The following GNL3L variants were observed in gnomAD, a reference collection of about 807,000 sequenced individuals.
GNL3L encodes the protein guanine nucleotide-binding protein-like 3-like protein.
GNL3L carries 4 observed loss-of-function variants against 42.9 expected under a neutral mutation model. That is an observed-to-expected ratio of 0.09 (90% CI 0.05 to 0.21). The LOEUF is 0.21. Ranked by LOEUF, GNL3L falls within the 10% of genes least tolerant of loss-of-function variation. The pLI is 1.00. For synonymous variants in GNL3L, 159 were observed against 176.3 expected (o/e 0.90, Z 0.78); for missense variants, 412 against 481.7 (o/e 0.86, Z 1.36).
chrX:54,637,469 A>G, the GNL3L span, among the ~76,000 whole-genome samples: 2 of 111,715 alleles, frequency 1.8e-5, no homozygotes, highest in African/African-American at 6.5e-5. Context: ...GTGTGCACAC[A>G]TGTGCATGCA....
At chrX:54,589,436 G>A (rs1000727085) in intron 16 of GNL3L, among the ~76,000 whole-genome samples, 2 of 110,104 alleles carry the variant, frequency 1.8e-5, no homozygotes, top group Admixed American at 9.7e-5. Flanking sequence ...TCTCTATGTC[G>A]ATGAGTTCAA....
rs1001024507 is a variant in GNL3L, at chrX:54,552,564, C to G, written c.1318+136C>G. The G allele has an allele frequency of 2.5e-5, 13 of 522,578 alleles. No homozygotes were observed. In the Admixed American group the frequency reaches 5.0e-4, roughly 20 times the overall value. The allele number at this position is 522,578 out of a possible 1,213,427, so 43.1% of individuals were successfully genotyped here. A position where few individuals can be genotyped will look rare whatever the true frequency, so the allele number is the denominator to read the frequency against. ...GGCAAGTTGCTTAAGCAGCTTCAGG[C>G]CTAATTTCTTTTCTTGCAAGGTGGG... On this transcript the variant is annotated intron_variant, in intron 13 of 15. Transcript: ENST00000360845.
At chrX:54,546,914 G>A (rs978323169) in intron 8 of GNL3L, among the ~76,000 whole-genome samples, 1 of 110,654 alleles carries the variant, frequency 9.0e-6, no homozygotes, top group African/African-American at 3.3e-5. Flanking sequence ...CCAAAGTACT[G>A]GGATTACAGG....
At chrX:54,551,102 C>T (rs750992435) in intron 10 of GNL3L, 52 bp downstream of exon 10, 1 of 656,078 alleles carries the variant, frequency 1.5e-6, no homozygotes, top group South Asian at 2.2e-5. Flanking sequence ...CTACCATTTC[C>T]CCCCAACTCC....
chrX:54,615,936 T>C (rs1926216001), intron 16 of GNL3L, among the ~76,000 whole-genome samples: 1 of 112,810 alleles, frequency 8.9e-6, no homozygotes, highest in African/African-American at 3.2e-5. Flanking sequence ...GAAATGTAAC[T>C]GAAAAAGTAA....
chrX:54,568,987 C>T (rs1013160735), downstream of GNL3L, among the ~76,000 whole-genome samples: 49 of 112,635 alleles, frequency 4.4e-4, no homozygotes, highest in African/African-American at 1.6e-3. Context: ...CTAGGATAAT[C>T]TCCACATCTC....
chrX:54,532,986 A>C (rs1924301850), intron 2 of GNL3L, among the ~76,000 whole-genome samples: 1 of 111,959 alleles, frequency 8.9e-6, no homozygotes, highest in South Asian at 3.7e-4. Flanking sequence ...AAACTGTTGA[A>C]TATGTTTCAC....
rs1925754724 is a variant in GNL3L at position 54,584,344 on chromosome X, T to A, written c.*45+23697T>A. On this transcript the variant is annotated intron_variant, in intron 16 of 16. Transcript: ENST00000674498. ...CTGCTCCCGGCCATATTTATATTTTTAAAAATTTTTATGGATACATAATAG... is the reference window on the plus strand; with the variant it reads ...CTGCTCCCGGCCATATTTATATTTTAAAAAATTTTTATGGATACATAATAG... Among the ~76,000 whole-genome samples the A allele has an allele frequency of 5.4e-5, 6 of 111,630 alleles. No individual in the cohort carries two copies. The South Asian group carries it at 2.2e-3, about 41-fold the overall frequency.
chrX:54,631,115 A>G, the GNL3L span, among the ~76,000 whole-genome samples: 12 of 110,578 alleles, frequency 1.1e-4, no homozygotes, highest in Non-Finnish European at 1.3e-4. Context: ...CCTAATTTCA[A>G]TTTTCTTAAA....
chrX:54,543,391 C>T (rs759677772), intron 7 of GNL3L, 49 bp downstream of exon 7: 1 of 1,157,344 alleles, frequency 8.6e-7, no homozygotes, highest in South Asian at 1.8e-5. Context: ...GGCAGGCCAT[C>T]TTTAACGTCT....
rs1213165031 is a variant in GNL3L, at chrX:54,599,260, A to T, written c.*46-21585A>T. Among the ~76,000 whole-genome samples the T allele has an allele frequency of 2.7e-5, 3 of 112,013 alleles. No individual in the cohort carries two copies. The East Asian group carries it at 8.4e-4, about 31-fold the overall frequency. ...CCAACCTAAAATTTTATATCCAGTG[A>T]AATTATCCTCCCAAAGTGAAGAAGA... On this transcript the variant is annotated intron_variant, in intron 16 of 16. Transcript: ENST00000674498.
intron 16 of GNL3L, among the ~76,000 whole-genome samples, chrX:54,613,147 T>G (rs1926181681): frequency 9.0e-6 from 1 of 111,729 alleles, no homozygotes; most frequent in Admixed American, 9.5e-5. Context: ...TTTCTTTGTC[T>G]TTGTTGGATT....
downstream of GNL3L, among the ~76,000 whole-genome samples, chrX:54,569,274 CTG>C (rs1362354751): frequency 1.8e-5 from 2 of 111,631 alleles, no homozygotes; most frequent in African/African-American, 6.5e-5. Context: ...TTGGAAGAGT[CTG>C]TGTACAATTG....
chrX:54,641,809 G>T, the GNL3L span, among the ~76,000 whole-genome samples: 1 of 111,349 alleles, frequency 9.0e-6, no homozygotes, highest in African/African-American at 3.3e-5. Context: ...AGGTCCAGTA[G>T]ACCAGGATGC....
chrX:54,606,449 G>A (rs749454347), intron 16 of GNL3L, among the ~76,000 whole-genome samples: 35 of 110,724 alleles, frequency 3.2e-4, no homozygotes, highest in Non-Finnish European at 1.5e-4. Flanking sequence ...TACTGGGAAG[G>A]GGCATGAGGG....
In GNL3L at chrX:54,581,267, T is replaced by C. The variant is rs992606036; in HGVS notation, c.*45+20620T>C. On this transcript the variant is annotated intron_variant, in intron 16 of 16. Coordinates refer to the GNL3L transcript ENST00000674498. ...TTATTTTAGAGACAGGATTTCACTC[T>C]GTAACCGAGGCTGAAGTGCTGAGGC... 3.6e-5 allele frequency among the ~76,000 whole-genome samples: 4 copies of C among 112,220 alleles called. No individual in the cohort carries two copies. In the South Asian group the frequency reaches 1.1e-3, roughly 31 times the overall value.
the GNL3L span, among the ~76,000 whole-genome samples, chrX:54,645,029 C>T: frequency 9.0e-6 from 1 of 111,188 alleles, no homozygotes. Context: ...GGATATTTTT[C>T]CCTTATCTTT....
chrX:54,603,411 T>C (rs1177377066), intron 16 of GNL3L, among the ~76,000 whole-genome samples: 2 of 111,695 alleles, frequency 1.8e-5, no homozygotes. Context: ...ACATCAATAA[T>C]TGCTAAAACT....
At chrX:54,532,482 C>T (rs1224022171) in intron 1 of GNL3L, 38 bp from the exon 2 acceptor site, 1 of 754,553 alleles carries the variant, frequency 1.3e-6, no homozygotes, top group African/African-American at 2.1e-5. Flanking sequence ...TTGTGATTCC[C>T]AGCTGTCTTC....
Sources: gnomAD v4.1 joint callset for allele counts (sites outside exome capture counted in the v4.1 genomes callset) on GRCh38, gnomAD v4.1.1 for gene constraint, MANE v1.5 for transcripts, NCBI Gene and HGNC (gene_info 2026-07-23, HGNC 2026-07-21) for gene names.